The following SLC16A12 variants were observed in gnomAD, a reference collection of about 807,000 sequenced individuals.
SLC16A12 encodes solute carrier family 16 member 12, also known as monocarboxylate transporter 12.
A neutral mutation model predicts 42.4 loss-of-function variants in SLC16A12; 17 were observed. The observed-to-expected ratio is 0.40, with a 90% CI of 0.27 to 0.60. SLC16A12 has a LOEUF of 0.60. Ranked by LOEUF, SLC16A12 falls within the 20% of genes least tolerant of loss-of-function variation. The pLI is 0.42. For missense variants in SLC16A12, 544 were observed against 623.0 expected (o/e 0.87, Z 1.35); for synonymous variants, 224 against 229.4 (o/e 0.98, Z 0.21).
rs779908297 is a variant in SLC16A12, at chr10:89,463,706, GA to G, written c.-46-1083del. ...CCAAAAGGTAAGCCACAGGCTTGGGGAAAAAAACATTAGCAATACATACTTC... is the reference window on the plus strand; with the variant it reads ...CCAAAAGGTAAGCCACAGGCTTGGGGAAAAAACATTAGCAATACATACTTC... On this transcript the variant is annotated intron_variant, in intron 2 of 7. Coordinates refer to ENST00000371790, the MANE Select transcript of SLC16A12 (RefSeq NM_213606.4). 1.1e-4 allele frequency among the ~76,000 whole-genome samples: 17 copies of G among 152,254 alleles called. No homozygotes were observed. In the East Asian group the frequency reaches 1.9e-3, roughly 17 times the overall value.
At chr10:89,457,478 A>G (rs1842214505) in intron 3 of SLC16A12, among the ~76,000 whole-genome samples, 1 of 152,236 alleles carries the variant, frequency 6.6e-6, no homozygotes, top group Non-Finnish European at 1.5e-5. Flanking sequence ...TCAAGAAACA[A>G]CAGATGCTAG....
intron 2 of SLC16A12, among the ~76,000 whole-genome samples, chr10:89,487,008 C>T (rs752080178): frequency 2.0e-5 from 3 of 152,122 alleles, no homozygotes; most frequent in East Asian, 1.9e-4. Context: ...AAGTATGGGA[C>T]GAAACATACA....
intron 3 of SLC16A12, among the ~76,000 whole-genome samples, chr10:89,453,749 T>C (rs1012325139): frequency 6.6e-6 from 1 of 152,180 alleles, no homozygotes; most frequent in Non-Finnish European, 1.5e-5. Context: ...ATGACTGTAG[T>C]CTAGTTATCC....
chr10:89,447,464 C>T (rs1055605714), intron 3 of SLC16A12, among the ~76,000 whole-genome samples: 9 of 152,278 alleles, frequency 5.9e-5, no homozygotes, highest in African/African-American at 2.2e-4. Flanking sequence ...CACTCAAAAC[C>T]ACTCAACTAC....
intron 2 of SLC16A12, among the ~76,000 whole-genome samples, chr10:89,483,487 T>C (rs1412423581): frequency 6.6e-6 from 1 of 151,762 alleles, no homozygotes; most frequent in African/African-American, 2.4e-5. Context: ...CCAAGAGAGG[T>C]TGGGAAGCAC....
intron 3 of SLC16A12, among the ~76,000 whole-genome samples, chr10:89,460,311 C>T (rs377593555): frequency 6.6e-6 from 1 of 152,100 alleles, no homozygotes; most frequent in Non-Finnish European, 1.5e-5. Context: ...CTTACAGACT[C>T]ATATTATAGA....
upstream of SLC16A12, among the ~76,000 whole-genome samples, chr10:89,540,364 G>A (rs971047872): frequency 6.6e-6 from 1 of 152,150 alleles, no homozygotes; most frequent in Admixed American, 6.6e-5. Context: ...CTCCCAAAGT[G>A]CTGGGACCAC....
At chr10:89,527,881 T>A (rs1843482043) in intron 2 of SLC16A12, among the ~76,000 whole-genome samples, 2 of 151,852 alleles carry the variant, frequency 1.3e-5, no homozygotes, top group Admixed American at 1.3e-4. Context: ...ACTAGATAAA[T>A]CTTCAGAATC....
At chr10:89,555,632 CACATATAT>C (rs1442701710) in intron 2 of SLC16A12, among the ~76,000 whole-genome samples, 1 of 140,810 alleles carries the variant, frequency 7.1e-6, no homozygotes, top group Non-Finnish European at 1.5e-5. Context: ...TGTATATATA[CACATATAT>C]ACATATATAT....
chr10:89,486,772 G>T (rs1020485898), intron 2 of SLC16A12, among the ~76,000 whole-genome samples: 1 of 151,948 alleles, frequency 6.6e-6, no homozygotes, highest in African/African-American at 2.4e-5. Context: ...ACTAGGAAAT[G>T]AATATCACAG....
intron 2 of SLC16A12, among the ~76,000 whole-genome samples, chr10:89,478,454 T>C (rs1842614854): frequency 6.6e-6 from 1 of 152,226 alleles, no homozygotes; most frequent in African/African-American, 2.4e-5. Context: ...GTGTGATCCG[T>C]AAGCTTGCCT....
Position 89,520,715 on chromosome 10 carries a change from T to A in SLC16A12, c.-47+13786A>T, listed in dbSNP as rs780455603. Among the ~76,000 whole-genome samples, 675 of 77,594 alleles carry A rather than the reference T, an allele frequency of 8.7e-3. 3 individuals carry two copies. Among genetic ancestry groups the A allele is most frequent in the Middle Eastern group, 0.029 (3 of 104 alleles). 50.9% of individuals were successfully genotyped at this position (77,594 alleles called of 152,430 possible). On this transcript the variant is annotated intron_variant, in intron 2 of 7. Transcript: ENST00000371790. ...TGTCAGCTGCCATTACTGGGTCACA[T>A]AGGCCAAAAAAAAAAAAAAAAAAAA...
intron 2 of SLC16A12, among the ~76,000 whole-genome samples, chr10:89,498,586 G>A (rs938169200): frequency 1.3e-5 from 2 of 152,182 alleles, no homozygotes; most frequent in East Asian, 3.8e-4. Flanking sequence ...GTCATGATCA[G>A]AGAGTTTTTG....
intron 3 of SLC16A12, among the ~76,000 whole-genome samples, chr10:89,447,835 A>G (rs1842028746): frequency 6.6e-6 from 1 of 152,156 alleles, no homozygotes; most frequent in Admixed American, 6.5e-5. Flanking sequence ...TTTTTTGAAA[A>G]GATCAACAAA....
intron 2 of SLC16A12, among the ~76,000 whole-genome samples, chr10:89,533,233 T>A (rs776911049): frequency 7.9e-5 from 12 of 151,794 alleles, no homozygotes; most frequent in Admixed American, 2.0e-4. Context: ...ATAGTTTGGA[T>A]CACTTATGTT....
intron 2 of SLC16A12, among the ~76,000 whole-genome samples, chr10:89,511,435 T>C (rs1255011680): frequency 6.6e-6 from 1 of 152,142 alleles, no homozygotes; most frequent in Non-Finnish European, 1.5e-5. Flanking sequence ...TGCAGGGACA[T>C]GGATGAAACT....
intron 2 of SLC16A12, among the ~76,000 whole-genome samples, chr10:89,512,896 T>TG (rs1344857117): frequency 3.3e-5 from 5 of 152,196 alleles, no homozygotes; most frequent in Admixed American, 1.3e-4. Flanking sequence ...GGCTGTCTTA[T>TG]GGGATGGAGT....
intron 3 of SLC16A12, among the ~76,000 whole-genome samples, chr10:89,455,396 T>C (rs1207206463): frequency 6.6e-6 from 1 of 152,208 alleles, no homozygotes; most frequent in Non-Finnish European, 1.5e-5. Context: ...TAATCAGTCA[T>C]ATGAATCAAA....
At chr10:89,483,937 C>T in intron 2 of SLC16A12, among the ~76,000 whole-genome samples, 1 of 152,086 alleles carries the variant, frequency 6.6e-6, no homozygotes, top group East Asian at 1.9e-4. Flanking sequence ...CATCCAAATG[C>T]TGAGTTCAAA....
Sources: gnomAD v4.1 joint callset for allele counts (sites outside exome capture counted in the v4.1 genomes callset) on GRCh38, gnomAD v4.1.1 for gene constraint, MANE v1.5 for transcripts, NCBI Gene and HGNC (gene_info 2026-07-23, HGNC 2026-07-21) for gene names.